Variants in ST6GALNAC3 observed in about 807,000 individuals in gnomAD.
The protein encoded by ST6GALNAC3 is ST6 N-acetylgalactosaminide alpha-2,6-sialyltransferase 3.
ST6GALNAC3 carries 25 observed loss-of-function variants against 32.7 expected under a neutral mutation model. That is an observed-to-expected ratio of 0.76 (90% CI 0.56 to 1.07). ST6GALNAC3 has a LOEUF of 1.07. ST6GALNAC3 is among the 50% of genes least tolerant of loss of function. ST6GALNAC3 has a pLI of 0.00. For missense variants in ST6GALNAC3, 355 were observed against 382.4 expected (o/e 0.93, Z 0.60); for synonymous variants, 129 against 133.1 (o/e 0.97, Z 0.21).
chr1:76,515,838 T>C (rs1662139455), intron 3 of ST6GALNAC3, among the ~76,000 whole-genome samples: 1 of 152,212 alleles, frequency 6.6e-6, no homozygotes, highest in African/African-American at 2.4e-5. Flanking sequence ...GTATCATTTA[T>C]CCTGGATGTT....
At chr1:76,278,577 A>G (rs1467050286) in intron 1 of ST6GALNAC3, among the ~76,000 whole-genome samples, 5 of 151,830 alleles carry the variant, frequency 3.3e-5, no homozygotes, top group African/African-American at 7.3e-5. Flanking sequence ...GGTTACCTCT[A>G]CTTTTTGAGG....
chr1:76,359,988 C>A (rs1649797891), intron 2 of ST6GALNAC3, among the ~76,000 whole-genome samples: 1 of 152,150 alleles, frequency 6.6e-6, no homozygotes, highest in Admixed American at 6.5e-5. Flanking sequence ...AGTTAAGCTA[C>A]ACTTGGTTTT....
At chr1:76,512,229 A>G (rs1476795227) in intron 3 of ST6GALNAC3, among the ~76,000 whole-genome samples, 1 of 152,162 alleles carries the variant, frequency 6.6e-6, no homozygotes, top group Non-Finnish European at 1.5e-5. Flanking sequence ...GAATAAAACT[A>G]TGTGAAAGAA....
chr1:76,194,136 G>C (rs1429555050), intron 1 of ST6GALNAC3, among the ~76,000 whole-genome samples: 1 of 152,056 alleles, frequency 6.6e-6, no homozygotes, highest in African/African-American at 2.4e-5. Context: ...GCTTTCTCAA[G>C]GTCACATGAG....
At chr1:76,538,350 G>T (rs1262600017) in intron 3 of ST6GALNAC3, among the ~76,000 whole-genome samples, 1 of 152,094 alleles carries the variant, frequency 6.6e-6, no homozygotes, top group Non-Finnish European at 1.5e-5. Flanking sequence ...CAATAAACTA[G>T]GTATTGATGG....
At chr1:76,114,770 A>G (rs1441203352) in intron 1 of ST6GALNAC3, among the ~76,000 whole-genome samples, 1 of 152,064 alleles carries the variant, frequency 6.6e-6, no homozygotes, top group Non-Finnish European at 1.5e-5. Context: ...TTAGCCAGGC[A>G]TGGTGGCTTA....
At chr1:76,248,817 G>C (rs1369164047) in intron 1 of ST6GALNAC3, among the ~76,000 whole-genome samples, 1 of 142,724 alleles carries the variant, frequency 7.0e-6, no homozygotes, top group South Asian at 2.3e-4. Context: ...TCCTTTGTTT[G>C]TTCACGTGAC....
At chr1:76,106,479 G>A (rs1176272718) in intron 1 of ST6GALNAC3, among the ~76,000 whole-genome samples, 1 of 152,166 alleles carries the variant, frequency 6.6e-6, no homozygotes, top group East Asian at 1.9e-4. Context: ...GGCAGTCTAA[G>A]GCTGTGCTTT....
chr1:76,592,056 G>C (rs147229674), intron 3 of ST6GALNAC3, among the ~76,000 whole-genome samples: 12 of 152,182 alleles, frequency 7.9e-5, no homozygotes, highest in African/African-American at 2.9e-4. Context: ...TATGTAAGGT[G>C]AAGAATCCCA....
chr1:76,387,585 G>A (rs1009006835), intron 2 of ST6GALNAC3, among the ~76,000 whole-genome samples: 2 of 151,758 alleles, frequency 1.3e-5, no homozygotes, highest in African/African-American at 4.8e-5. Flanking sequence ...CTCTCCCTTG[G>A]CCCAAGTATT....
intron 1 of ST6GALNAC3, among the ~76,000 whole-genome samples, chr1:76,111,411 G>A (rs548151438): frequency 6.6e-6 from 1 of 151,168 alleles, no homozygotes; most frequent in East Asian, 1.9e-4. Context: ...CTGGTCAGGT[G>A]GGAGGTTCCC....
chr1:76,140,695 G>A (rs1011145674), intron 1 of ST6GALNAC3, among the ~76,000 whole-genome samples: 16 of 147,648 alleles, frequency 1.1e-4, no homozygotes, highest in African/African-American at 3.8e-4. Flanking sequence ...TGCAATCACA[G>A]CTCCTTGGAC....
chr1:76,317,602 A>G lies in ST6GALNAC3; in HGVS notation c.213+3603A>G, dbSNP rs538181944. Among the ~76,000 whole-genome samples, 9 of 152,252 alleles carry G rather than the reference A, an allele frequency of 5.9e-5. No individual in the cohort carries two copies. In the South Asian group the frequency reaches 1.2e-3, roughly 21 times the overall value. Reference sequence around the variant, plus strand: ...CTCAGAAGACTTTCCCCTTAAATGCATATGGTTTCTGGAAATTACTAAACT... The same window carrying G: ...CTCAGAAGACTTTCCCCTTAAATGCGTATGGTTTCTGGAAATTACTAAACT... On this transcript the variant is annotated intron_variant, in intron 2 of 4. Coordinates refer to ENST00000328299, the MANE Select transcript of ST6GALNAC3 (RefSeq NM_152996.4).
chr1:76,499,867 C>A (rs888171382), intron 3 of ST6GALNAC3, among the ~76,000 whole-genome samples: 2 of 151,998 alleles, frequency 1.3e-5, no homozygotes, highest in Non-Finnish European at 2.9e-5. Context: ...TTTGTAATTG[C>A]AGAACATAAA....
intron 3 of ST6GALNAC3, among the ~76,000 whole-genome samples, chr1:76,487,664 G>A (rs983450579): frequency 2.6e-5 from 4 of 152,020 alleles, no homozygotes; most frequent in African/African-American, 9.7e-5. Context: ...CTTTGAGATG[G>A]GTTCGAACTT....
At chr1:76,433,318 A>AT (rs1455866126) in intron 3 of ST6GALNAC3, among the ~76,000 whole-genome samples, 1 of 151,806 alleles carries the variant, frequency 6.6e-6, no homozygotes, top group Non-Finnish European at 1.5e-5. Context: ...AAAAAAAGAG[A>AT]TTTTTTTACT....
At chr1:76,119,551 G>A (rs1648723068) in intron 1 of ST6GALNAC3, among the ~76,000 whole-genome samples, 1 of 152,186 alleles carries the variant, frequency 6.6e-6, no homozygotes, top group South Asian at 2.1e-4. Context: ...CTGCATGGGA[G>A]ATGAAGAGGA....
intron 3 of ST6GALNAC3, among the ~76,000 whole-genome samples, chr1:76,416,429 T>C (rs1215587878): frequency 1.3e-5 from 2 of 152,102 alleles, no homozygotes; most frequent in East Asian, 3.9e-4. Context: ...GTCATCATTA[T>C]TATGTATAAT....
In ST6GALNAC3 at chr1:76,313,900, C is replaced by T; in HGVS notation, c.114C>T (p.Asn38=). Residue 38 remains asparagine, a synonymous_variant, in exon 2 of 5, where the codon AAC becomes AAT. Coordinates refer to ENST00000328299, the MANE Select transcript of ST6GALNAC3 (RefSeq NM_152996.4). ...VNEVNFPLLL[N]CFGQPGTKWI... Reference sequence around the variant, plus strand: ...AAGTGAATTTCCCATTGCTACTAAACTGCTTTGGACAACCTGGTACAAAGT... The same window carrying T: ...AAGTGAATTTCCCATTGCTACTAAATTGCTTTGGACAACCTGGTACAAAGT... 1 of 1,613,678 alleles carries T rather than the reference C, an allele frequency of 6.2e-7. No homozygotes were observed. Among genetic ancestry groups the T allele is most frequent in the Non-Finnish European group, 8.5e-7 (1 of 1,179,766 alleles).
Sources: gnomAD v4.1 joint callset for allele counts (sites outside exome capture counted in the v4.1 genomes callset) on GRCh38, gnomAD v4.1.1 for gene constraint, MANE v1.5 for transcripts, NCBI Gene and HGNC (gene_info 2026-07-23, HGNC 2026-07-21) for gene names.